The following KLHL34 variants were observed in gnomAD, a reference collection of about 807,000 sequenced individuals.
The protein encoded by KLHL34 is kelch like family member 34.
Under a neutral mutation model 23.8 loss-of-function variants are expected in KLHL34, and 24 were observed. The ratio of observed to expected loss-of-function variants is 1.01; its 90% CI spans 0.73 to 1.42. KLHL34 has a LOEUF of 1.42. Ranked by LOEUF, KLHL34 falls within the 40% of genes most tolerant of loss-of-function variation. The pLI is 0.00. For missense variants in KLHL34, 652 were observed against 595.1 expected, an observed-to-expected ratio of 1.10 and a Z score of -0.99; for synonymous variants, 303 against 287.9, an observed-to-expected ratio of 1.05 and a Z score of -0.53.
rs750897735 is a variant in KLHL34, at chrX:21,657,525, G to T, written c.264C>A (p.Tyr88Ter). 2.5e-6 allele frequency: 3 copies of T among 1,210,385 alleles called. No individual in the cohort carries two copies. Residue 88 changes from tyrosine to a stop codon, truncating the protein, a stop_gained, in exon 1 of 1, where the codon TAC becomes TAA. Coordinates refer to ENST00000379499, the MANE Select transcript of KLHL34 (RefSeq NM_153270.3). LOFTEE classifies it high-confidence loss of function. ...AGLQRLLDFIYTAWLSLSMDT... is the reference protein window; with the variant it reads ...AGLQRLLDFI ...CCATGGAAAGCGACAGCCAGGCAGT[G>T]TAGATGAAGTCCAGCAGGCGCTGCA...
In KLHL34 at chrX:21,656,448, G is replaced by T; in HGVS notation, c.1341C>A (p.Asp447Glu). ...GEVLASVEMY[D>E]LRRDRWTAAG... ...CCGCCGTCCAGCGGTCCCGACGCAG[G>T]TCGTACATCTCCACCGAGGCCAGCA... Residue 447 changes from aspartate (D) to glutamate (E), a missense_variant, in exon 1 of 1, where the codon GAC (aspartate) becomes GAA (glutamate). By Grantham distance (45) the Asp-to-Glu change is conservative. Coordinates refer to ENST00000379499, the MANE Select transcript of KLHL34 (RefSeq NM_153270.3). The T allele has an allele frequency of 3.3e-6, 4 of 1,195,941 alleles. No homozygotes were observed. The highest frequency in any genetic ancestry group is 4.5e-6 in the Non-Finnish European group (4 of 889,155).
Position 21,656,386 on chromosome X carries a change from C to A in KLHL34, c.1403G>T (p.Gly468Val). ...ALPRALHGHA[G>V]AVGDRGVVYI... ...CACAACACCGCGGTCCCCGACGGCC[C>A]CCGCGTGACCGTGCAGAGCCCGCGG... The change falls in exon 1 of 1, where the codon GGG (glycine) becomes GTG (valine). Residue 468 changes from glycine to valine, a missense_variant. Transcript: ENST00000379499. 1 of 1,196,524 alleles carries A rather than the reference C, an allele frequency of 8.4e-7. No homozygotes were observed.
At position 21,656,428 on chromosome X, in the gene KLHL34, G is replaced by C; in HGVS notation, c.1361C>G (p.Thr454Arg). 8.4e-7 allele frequency: 1 copy of C among 1,193,597 alleles called. No individual in the cohort carries two copies. Among genetic ancestry groups the C allele is most frequent in the African/African-American group, 1.7e-5 (1 of 57,314 alleles). Reference protein sequence around the residue: ...EMYDLRRDRWTAAGALPRALH... With the variant: ...EMYDLRRDRWRAAGALPRALH... ...AGCCCGCGGTAGTGCCCCAGCCGCCGTCCAGCGGTCCCGACGCAGGTCGTA... is the reference window on the plus strand; with the variant it reads ...AGCCCGCGGTAGTGCCCCAGCCGCCCTCCAGCGGTCCCGACGCAGGTCGTA... Residue 454 changes from threonine (T) to arginine (R), a missense_variant, in exon 1 of 1, where the codon ACG becomes AGG. Thr to Arg is a moderately conservative substitution (Grantham distance 71, BLOSUM62 -1). Coordinates refer to ENST00000379499, the MANE Select transcript of KLHL34 (RefSeq NM_153270.3).
chrX:21,654,758 C>G lies in KLHL34; in HGVS notation c.*1096G>C, dbSNP rs763321365. The stretch of plus-strand genomic sequence containing the variant: ...ATTTCTTTGTGACCTAATTATACAG[C>G]CACCACCCCCCACCCTAGTTTCGAG... On this transcript the variant is annotated 3_prime_UTR_variant, in exon 1 of 1. Transcript: ENST00000379499. 9.0e-6 allele frequency: 1 copy of G among 111,185 alleles called. No individual in the cohort carries two copies. The highest frequency in any genetic ancestry group is 3.3e-5 in the African/African-American group (1 of 30,555). 9.2% of individuals were successfully genotyped at this position (111,185 alleles called of 1,213,427 possible).
rs1157134449 is a variant in KLHL34 at position 21,655,468 on chromosome X, CTTTTTT to C, written c.*380_*385del. The C allele has an allele frequency of 3.0e-5, 2 of 66,740 alleles. No homozygotes were observed. Among genetic ancestry groups the C allele is most frequent in the Non-Finnish European group, 2.7e-5 (1 of 36,824 alleles). The allele number at this position is 66,740 out of a possible 1,213,427, so 5.5% of individuals were successfully genotyped here. ...AACTTCCTGTGGTACATTTTTTGGCCTTTTTTTTTTTTTTTTTTTTTTGGCACATAA... is the reference window on the plus strand; with the variant it reads ...AACTTCCTGTGGTACATTTTTTGGCCTTTTTTTTTTTTTTTTGGCACATAA... On this transcript the variant is annotated 3_prime_UTR_variant, in exon 1 of 1. Coordinates refer to ENST00000379499, the MANE Select transcript of KLHL34 (RefSeq NM_153270.3).
At position 21,656,156 on chromosome X, in the gene KLHL34, C is replaced by G. The variant is rs1406630356; in HGVS notation, c.1633G>C (p.Asp545His). 3 of 1,173,208 alleles carry G rather than the reference C, an allele frequency of 2.6e-6. No individual in the cohort carries two copies. The highest frequency in any genetic ancestry group is 3.4e-6 in the Non-Finnish European group (3 of 875,942). Residue 545 changes from aspartate (D) to histidine (H), a missense_variant, in exon 1 of 1, where the codon GAC becomes CAC. Transcript: ENST00000379499. Reference protein sequence around the residue: ...YEPFSEIERYDPGADQWTRLR... With the variant: ...YEPFSEIERYHPGADQWTRLR... Reference sequence around the variant, plus strand: ...CGAGTCCACTGGTCGGCGCCGGGGTCGTAGCGCTCGATCTCAGAGAAGGGC... The same window carrying G: ...CGAGTCCACTGGTCGGCGCCGGGGTGGTAGCGCTCGATCTCAGAGAAGGGC...
Position 21,656,595 on chromosome X carries a change from G to GT in KLHL34, c.1193dup (p.Tyr398Ter). The GT allele has an allele frequency of 8.3e-7, 1 of 1,208,035 alleles. No homozygotes were observed. The highest frequency in any genetic ancestry group is 1.1e-6 in the Non-Finnish European group (1 of 894,112). Residue 398 changes from tyrosine (Y) to a stop codon, truncating the protein, a stop_gained and frameshift_variant, in exon 1 of 1, where the codon TAC becomes TAAC. Coordinates refer to ENST00000379499, the MANE Select transcript of KLHL34 (RefSeq NM_153270.3). LOFTEE classifies it high-confidence loss of function. ...CCGTCCAAGCGTGGAAGCGCGGGTCGTAACGGTGCACTTGGGCCGTGACCA... is the reference window on the plus strand; with the variant it reads ...CCGTCCAAGCGTGGAAGCGCGGGTCGTTAACGGTGCACTTGGGCCGTGACCA... ...SRVVTAQVHR[Y>*]DPRFHAWTEV...
Position 21,656,943 on chromosome X carries a change from G to C in KLHL34, c.846C>G (p.Ile282Met), listed in dbSNP as rs770236366. 7 of 1,159,053 alleles carry C rather than the reference G, an allele frequency of 6.0e-6. No individual in the cohort carries two copies. The South Asian group carries it at 1.4e-4, about 24-fold the overall frequency. ...GTGCCCTGCGCCCCCCCACCAACAA[G>C]ATGCGGGTCTGGGGGCTCCGGATGC... Reference protein sequence around the residue: ...QTSIRSPQTRILLVGGRRARE... With the variant: ...QTSIRSPQTRMLLVGGRRARE... The change falls in exon 1 of 1, where the codon ATC (isoleucine) becomes ATG (methionine). Residue 282 changes from isoleucine (I) to methionine (M), a missense_variant. Physicochemically the swap from Ile to Met is conservative, Grantham distance 10. Transcript: ENST00000379499.
At position 21,657,247 on chromosome X, in the gene KLHL34, G is replaced by C; in HGVS notation, c.542C>G (p.Ala181Gly). The change falls in exon 1 of 1, where the codon GCT (alanine) becomes GGT (glycine). Residue 181 changes from alanine (A) to glycine (G), a missense_variant. Coordinates refer to ENST00000379499, the MANE Select transcript of KLHL34 (RefSeq NM_153270.3). ...CGCCACGTCGGGGGCACCCAGTACA[G>C]CCCTCAGCGATGTAGGGTTGAGCTC... ...LLELNPTSLR[A>G]VLGAPDVARV... is the part of the protein sequence containing the mutation. 1 of 1,180,177 alleles carries C rather than the reference G, an allele frequency of 8.5e-7. No homozygotes were observed. Among genetic ancestry groups the C allele is most frequent in the Non-Finnish European group, 1.1e-6 (1 of 881,286 alleles).
At position 21,657,813 on chromosome X, in the gene KLHL34, G is replaced by A; in HGVS notation, c.-25C>T. 1.7e-6 allele frequency: 2 copies of A among 1,166,531 alleles called. No individual in the cohort carries two copies. The highest frequency in any genetic ancestry group is 1.1e-6 in the Non-Finnish European group (1 of 871,060). ...TTCTACCCAGGGCTGGAAGCAGCCT[G>A]GTGGGACCAGAGGCCTGCTGGGCAG... On this transcript the variant is annotated 5_prime_UTR_variant, in exon 1 of 1. Coordinates refer to ENST00000379499, the MANE Select transcript of KLHL34 (RefSeq NM_153270.3).
Position 21,656,092 on chromosome X carries a change from A to G in KLHL34, c.1697T>C (p.Leu566Pro). 1 of 1,181,770 alleles carries G rather than the reference A, an allele frequency of 8.5e-7. No individual in the cohort carries two copies. Among genetic ancestry groups the G allele is most frequent in the Non-Finnish European group, 1.1e-6 (1 of 878,581 alleles). ...PLPYDRFCYG[L>P]AVVEETALLL... is the part of the protein sequence containing the mutation. ...CAACGCTGTCTCCTCGACCACGGCC[A>G]GCCCATAGCAGAAGCGGTCGTAGGG... Residue 566 changes from leucine to proline, a missense_variant, in exon 1 of 1, where the codon CTG (leucine) becomes CCG (proline). By Grantham distance (98) the Leu-to-Pro change is moderately conservative. Coordinates refer to ENST00000379499, the MANE Select transcript of KLHL34 (RefSeq NM_153270.3).
chrX:21,656,228 T>G lies in KLHL34; in HGVS notation c.1561A>C (p.Met521Leu). The G allele has an allele frequency of 1.7e-6, 2 of 1,194,608 alleles. No homozygotes were observed. Among genetic ancestry groups the G allele is most frequent in the Non-Finnish European group, 2.3e-6 (2 of 887,048 alleles). Residue 521 changes from methionine to leucine, a missense_variant, in exon 1 of 1, where the codon ATG (methionine) becomes CTG (leucine). By Grantham distance (15) the Met-to-Leu change is conservative. Transcript: ENST00000379499. ...PMGTARFGHHMAVLRGAVFAF... is the reference protein window; with the variant it reads ...PMGTARFGHHLAVLRGAVFAF... ...AACACAGCGCCGCGCAGCACTGCCATGTGGTGCCCGAAACGTGCGGTGCCC... is the reference window on the plus strand; with the variant it reads ...AACACAGCGCCGCGCAGCACTGCCAGGTGGTGCCCGAAACGTGCGGTGCCC...
In KLHL34 at chrX:21,657,497, T is replaced by C; in HGVS notation, c.292A>G (p.Thr98Ala). ...YTAWLSLSMDTVEDTLEAASY... is the reference protein window; with the variant it reads ...YTAWLSLSMDAVEDTLEAASY... ...GCGGCCTCCAGAGTGTCCTCTACAG[T>C]GTCCATGGAAAGCGACAGCCAGGCA... The change falls in exon 1 of 1, where the codon ACT becomes GCT. Residue 98 changes from threonine to alanine, a missense_variant. Thr to Ala is a moderately conservative substitution (Grantham distance 58). Transcript: ENST00000379499. The C allele has an allele frequency of 8.3e-7, 1 of 1,210,969 alleles. No individual in the cohort carries two copies. The highest frequency in any genetic ancestry group is 3.0e-5 in the East Asian group (1 of 33,775).
Position 21,656,049 on chromosome X carries a change from C to T in KLHL34, c.1740G>A (p.Lys580=), listed in dbSNP as rs1407822337. Residue 580 remains lysine, a synonymous_variant, in exon 1 of 1, where the codon AAG becomes AAA. Transcript: ENST00000379499. ...EETALLLGGL[K]WRDSRQVPTR... Reference sequence around the variant, plus strand: ...TAGGCACCTGGCGCGAGTCCCGCCACTTGAGGCCGCCCAGCAGCAACGCTG... The same window carrying T: ...TAGGCACCTGGCGCGAGTCCCGCCATTTGAGGCCGCCCAGCAGCAACGCTG... 8.3e-7 allele frequency: 1 copy of T among 1,203,653 alleles called. No individual in the cohort carries two copies. The highest frequency in any genetic ancestry group is 1.1e-6 in the Non-Finnish European group (1 of 891,313).
chrX:21,657,088 C>T lies in KLHL34; in HGVS notation c.701G>A (p.Arg234Gln), dbSNP rs748627406. Reference sequence around the variant, plus strand: ...GAGGCCAGAGCCCGAGTACACGCGCCGCAGTACGTCGGCGGGAACCAGGCC... The same window carrying T: ...GAGGCCAGAGCCCGAGTACACGCGCTGCAGTACGTCGGCGGGAACCAGGCC... ...RFGLVPADVLRRVYSGSGLVL... is the reference protein window; with the variant it reads ...RFGLVPADVLQRVYSGSGLVL... Residue 234 changes from arginine (R) to glutamine (Q), a missense_variant, in exon 1 of 1, where the codon CGG becomes CAG. Physicochemically the swap from Arg to Gln is conservative, Grantham distance 43 (BLOSUM62 1). Transcript: ENST00000379499. 5 of 1,203,847 alleles carry T rather than the reference C, an allele frequency of 4.2e-6. No homozygotes were observed. In the East Asian group the frequency reaches 8.9e-5, roughly 21 times the overall value.
chrX:21,656,382 G>T lies in KLHL34; in HGVS notation c.1407C>A (p.Ala469=). 1 of 1,195,708 alleles carries T rather than the reference G, an allele frequency of 8.4e-7. No individual in the cohort carries two copies. Among genetic ancestry groups the T allele is most frequent in the Non-Finnish European group, 1.1e-6 (1 of 888,835 alleles). Residue 469 remains alanine (A), a synonymous_variant, in exon 1 of 1, where the codon GCC becomes GCA. Coordinates refer to ENST00000379499, the MANE Select transcript of KLHL34 (RefSeq NM_153270.3). Reference sequence around the variant, plus strand: ...TGTACACAACACCGCGGTCCCCGACGGCCCCCGCGTGACCGTGCAGAGCCC... The same window carrying T: ...TGTACACAACACCGCGGTCCCCGACTGCCCCCGCGTGACCGTGCAGAGCCC... ...LPRALHGHAG[A]VGDRGVVYIS... is the part of the protein sequence containing the mutation.
chrX:21,657,957 G>T lies in KLHL34; in HGVS notation c.-169C>A. The T allele has an allele frequency of 1.3e-6, 1 of 778,570 alleles. No homozygotes were observed. The highest frequency in any genetic ancestry group is 1.8e-6 in the Non-Finnish European group (1 of 563,181). The allele number at this position is 778,570 out of a possible 1,213,427, so 64.2% of individuals were successfully genotyped here. On this transcript the variant is annotated 5_prime_UTR_variant, in exon 1 of 1. Coordinates refer to ENST00000379499, the MANE Select transcript of KLHL34 (RefSeq NM_153270.3). ...GCCCAGGGCTCCTTCATCCAGACCT[G>T]CAGATCGCCCAGTGCCCCTCTCAGA...
chrX:21,657,963 C>T lies in KLHL34; in HGVS notation c.-175G>A, dbSNP rs1201867759. ...GGCTCCTTCATCCAGACCTGCAGAT[C>T]GCCCAGTGCCCCTCTCAGAGCAAAT... On this transcript the variant is annotated 5_prime_UTR_variant, in exon 1 of 1. Coordinates refer to ENST00000379499, the MANE Select transcript of KLHL34 (RefSeq NM_153270.3). 2.9e-6 allele frequency: 2 copies of T among 697,343 alleles called. No homozygotes were observed. The highest frequency in any genetic ancestry group is 4.0e-6 in the Non-Finnish European group (2 of 494,496). 57.5% of individuals were successfully genotyped at this position (697,343 alleles called of 1,213,427 possible). A position where few individuals can be genotyped will look rare whatever the true frequency, so the allele number is the denominator to read the frequency against.
Position 21,657,576 on chromosome X carries a change from G to A in KLHL34, c.213C>T (p.His71=). 2 of 1,211,275 alleles carry A rather than the reference G, an allele frequency of 1.7e-6. No homozygotes were observed. The highest frequency in any genetic ancestry group is 2.2e-6 in the Non-Finnish European group (2 of 895,393). Residue 71 remains histidine (H), a synonymous_variant, in exon 1 of 1, where the codon CAC becomes CAT. Transcript: ENST00000379499. The stretch of plus-strand genomic sequence containing the variant: ...GGCCGGCTGCCGATGGCACGTGCAG[G>A]TGGATCACGCGCGCCCGGGATTCCT... ...HTQESRARVI[H]LHVPSAAGLQ...
Sources: allele counts gnomAD v4.1 joint callset, GRCh38; gene constraint gnomAD v4.1.1; transcripts MANE v1.5; gene names NCBI Gene and HGNC (gene_info 2026-07-23, HGNC 2026-07-21).